Variants in B3GALT1 observed in about 807,000 individuals in gnomAD.
B3GALT1 encodes beta-1,3-galactosyltransferase 1.
Under a neutral mutation model 23.2 loss-of-function variants are expected in B3GALT1, and 10 were observed. The ratio of observed to expected loss-of-function variants is 0.43; its 90% confidence interval spans 0.27 to 0.73. The LOEUF (loss-of-function observed/expected upper bound fraction) is 0.73. Ranked by LOEUF, B3GALT1 falls within the 30% of genes least tolerant of loss-of-function variation. The pLI is 0.21. For missense variants in B3GALT1, 299 were observed against 405.4 expected (o/e 0.74, Z 2.25); for synonymous variants, 156 against 141.5 (o/e 1.10, Z -0.73).
chr2:167,320,063 C>T (rs1377724150), intron 1 of B3GALT1, among the ~76,000 whole-genome samples: 1 of 152,030 alleles, frequency 6.6e-6, no homozygotes, highest in African/African-American at 2.4e-5. Flanking sequence ...CCTTACATTG[C>T]TTGACTTCTT....
At chr2:167,300,965 A>G (rs1696434212) in intron 1 of B3GALT1, among the ~76,000 whole-genome samples, 1 of 152,222 alleles carries the variant, frequency 6.6e-6, no homozygotes, top group Non-Finnish European at 1.5e-5. Flanking sequence ...CTCTCAATAT[A>G]GAAATTCCTA....
At chr2:167,554,226 T>C (rs1324236608) in intron 2 of B3GALT1, among the ~76,000 whole-genome samples, 1 of 152,222 alleles carries the variant, frequency 6.6e-6, no homozygotes, top group East Asian at 1.9e-4. Flanking sequence ...GAAGATACAG[T>C]GATAATGTAT....
At chr2:167,593,735 T>G (rs1447504140) in intron 2 of B3GALT1, among the ~76,000 whole-genome samples, 1 of 152,104 alleles carries the variant, frequency 6.6e-6, no homozygotes, top group Non-Finnish European at 1.5e-5. Flanking sequence ...GCAGCCAAGG[T>G]CCCAGCCTGG....
intron 2 of B3GALT1, among the ~76,000 whole-genome samples, chr2:167,529,987 C>T (rs1683296932): frequency 6.6e-6 from 1 of 152,068 alleles, no homozygotes; most frequent in African/African-American, 2.4e-5. Context: ...AGTAATATTT[C>T]AAATCTTTAC....
At chr2:167,633,174 A>G (rs1188777962) in intron 2 of B3GALT1, among the ~76,000 whole-genome samples, 4 of 151,938 alleles carry the variant, frequency 2.6e-5, no homozygotes, top group African/African-American at 9.7e-5. Context: ...TCAAATTCAG[A>G]AAATACAGAG....
intron 3 of B3GALT1, among the ~76,000 whole-genome samples, chr2:167,653,854 G>A (rs1380388478): frequency 1.3e-5 from 2 of 152,124 alleles, no homozygotes; most frequent in African/African-American, 4.8e-5. Flanking sequence ...TCCTTTGCTC[G>A]GTTCATCACC....
chr2:167,506,686 T>C (rs1039662530), intron 2 of B3GALT1, among the ~76,000 whole-genome samples: 11 of 152,206 alleles, frequency 7.2e-5, no homozygotes, highest in Non-Finnish European at 1.3e-4. Flanking sequence ...AGACACATTA[T>C]GCAAATAAAT....
At chr2:167,680,061 G>A (rs1212641997) in intron 3 of B3GALT1, among the ~76,000 whole-genome samples, 1 of 151,890 alleles carries the variant, frequency 6.6e-6, no homozygotes, top group Non-Finnish European at 1.5e-5. Flanking sequence ...CTACTCTTTG[G>A]TGAAAACTTA....
chr2:167,328,842 C>T (rs1256113306), intron 1 of B3GALT1, among the ~76,000 whole-genome samples: 1 of 151,898 alleles, frequency 6.6e-6, no homozygotes, highest in African/African-American at 2.4e-5. Flanking sequence ...TTAACCACGT[C>T]TCACTTGTCA....
intron 1 of B3GALT1, among the ~76,000 whole-genome samples, chr2:167,446,738 C>G (rs1025191622): frequency 6.6e-6 from 1 of 152,198 alleles, no homozygotes; most frequent in Admixed American, 6.5e-5. Context: ...CTTCTCTACA[C>G]TGGTTATTCT....
intron 1 of B3GALT1, among the ~76,000 whole-genome samples, chr2:167,487,027 A>G (rs538630198): frequency 1.3e-5 from 2 of 152,360 alleles, no homozygotes; most frequent in Admixed American, 6.5e-5. Flanking sequence ...TGTGAAATGT[A>G]TACAAACAGG....
rs1378739027 is a variant in B3GALT1 at position 167,293,026 on chromosome 2, C to T, written c.-819C>T. ...AGAGCCATCGCCGGGGAAGCGCAGC[C>T]GGGCTCGGGTGCTTCGGCTGCCGCC... On this transcript the variant is annotated 5_prime_UTR_variant, in exon 1 of 5. Coordinates refer to ENST00000392690, the MANE Select transcript of B3GALT1 (RefSeq NM_020981.4). 1 of 151,908 alleles carries T rather than the reference C, an allele frequency of 6.6e-6. No individual in the cohort carries two copies. Among genetic ancestry groups the T allele is most frequent in the African/African-American group, 2.4e-5 (1 of 41,418 alleles). The allele number at this position is 151,908 out of a possible 1,614,324, so 9.4% of individuals were successfully genotyped here. A position where few individuals can be genotyped will look rare whatever the true frequency, so the allele number is the denominator to read the frequency against.
intron 2 of B3GALT1, among the ~76,000 whole-genome samples, chr2:167,635,827 A>G (rs2105451141): frequency 6.6e-6 from 1 of 152,262 alleles, no homozygotes; most frequent in Middle Eastern, 3.4e-3. Flanking sequence ...CTTTCTTCAC[A>G]GAATTAGAAA....
intron 1 of B3GALT1, among the ~76,000 whole-genome samples, chr2:167,392,797 A>G (rs1046562749): frequency 2.0e-5 from 3 of 152,298 alleles, no homozygotes; most frequent in East Asian, 1.9e-4. Flanking sequence ...GACTTATATT[A>G]TAATTTATTT....
chr2:167,869,943 A>G lies in B3GALT1; in HGVS notation c.904A>G (p.Thr302Ala). Residue 302 changes from threonine to alanine, a missense_variant, in exon 5 of 5, where the codon ACT becomes GCT. Coordinates refer to ENST00000392690, the MANE Select transcript of B3GALT1 (RefSeq NM_020981.4). This position sits in a 1 kb window ranked among gnomAD's most constrained non-coding sequence, Gnocchi z 6.4. ...TTTGTGTAGGTATCGCCGAGTTATC[A>G]CTGTGCATCAGATCTCTCCAGAAGA... The part of the protein sequence containing the change: ...YSLCRYRRVI[T>A]VHQISPEEMH... 6.2e-7 allele frequency: 1 copy of G among 1,614,062 alleles called. No homozygotes were observed. The highest frequency in any genetic ancestry group is 8.5e-7 in the Non-Finnish European group (1 of 1,179,978).
At chr2:167,333,551 A>G (rs1697009985) in intron 1 of B3GALT1, among the ~76,000 whole-genome samples, 1 of 152,200 alleles carries the variant, frequency 6.6e-6, no homozygotes, top group African/African-American at 2.4e-5. Context: ...ATAGCTAGTT[A>G]GTGACTGAGG....
At chr2:167,583,776 AG>A (rs139089569) in intron 2 of B3GALT1, among the ~76,000 whole-genome samples, 2,721 of 152,300 alleles carry the variant, frequency 0.018, 92 homozygotes, top group African/African-American at 0.062. Flanking sequence ...ATAATCTGAC[AG>A]AAATTTTGGA....
At chr2:167,674,396 A>G (rs1407583443) in intron 3 of B3GALT1, among the ~76,000 whole-genome samples, 1 of 152,202 alleles carries the variant, frequency 6.6e-6, no homozygotes, top group Non-Finnish European at 1.5e-5. Flanking sequence ...AATGTTTAAT[A>G]AATGTCCCAA....
chr2:167,552,000 G>T (rs538070137), intron 2 of B3GALT1, among the ~76,000 whole-genome samples: 1 of 152,170 alleles, frequency 6.6e-6, no homozygotes, highest in Non-Finnish European at 1.5e-5. Context: ...ATGTTCTAGG[G>T]TTTTAACGAC....
Sources: allele counts gnomAD v4.1 joint callset (sites outside exome capture counted in the v4.1 genomes callset), GRCh38; gene constraint gnomAD v4.1.1; non-coding constraint Gnocchi (gnomAD v3.1); transcripts MANE v1.5; gene names NCBI Gene and HGNC (gene_info 2026-07-23, HGNC 2026-07-21).